SMIM14: variants seen among roughly 807,000 people sequenced by gnomAD.
SMIM14 encodes the protein chromosome 4 open reading frame 34.
In SMIM14, 5 loss-of-function variants were observed where a neutral mutation model predicts 12.6. The ratio of observed to expected loss-of-function variants is 0.40; its 90% CI spans 0.21 to 0.83. The LOEUF is 0.83. Ranked by LOEUF, SMIM14 falls within the 40% of genes least tolerant of loss-of-function variation. SMIM14 has a pLI of 0.37. For synonymous variants in SMIM14, 30 were observed against 40.1 expected, an observed-to-expected ratio of 0.75 and a Z score of 0.95; for missense variants, 86 against 119.1, an observed-to-expected ratio of 0.72 and a Z score of 1.29.
chr4:39,601,665 G>A (rs1361186759), intron 2 of SMIM14, among the ~76,000 whole-genome samples: 1 of 152,214 alleles, frequency 6.6e-6, no homozygotes, highest in Admixed American at 6.5e-5. Flanking sequence ...TAATGGATGA[G>A]GTGGGGTGCA....
chr4:39,551,330 A>G lies in SMIM14; in HGVS notation c.*796T>C, dbSNP rs1471804734. The G allele has an allele frequency of 6.6e-6, 1 of 152,648 alleles. No homozygotes were observed. Among genetic ancestry groups the G allele is most frequent in the African/African-American group, 2.4e-5 (1 of 41,462 alleles). 9.5% of individuals were successfully genotyped at this position (152,648 alleles called of 1,614,324 possible). On this transcript the variant is annotated 3_prime_UTR_variant, in exon 5 of 5. Coordinates refer to ENST00000295958, the MANE Select transcript of SMIM14 (RefSeq NM_174921.3). ...ATGTGGATTATATCAGCAAAGGCAG[A>G]AAGAATTAATGTTTTCCTCCTTTCA...
At chr4:39,556,752 A>G (rs933315157) in intron 3 of SMIM14, among the ~76,000 whole-genome samples, 182 bp from the exon 4 acceptor site, 1 of 152,232 alleles carries the variant, frequency 6.6e-6, no homozygotes, top group South Asian at 2.1e-4. Context: ...AAAGTAAATG[A>G]TGTTAAATAG....
At chr4:39,594,181 T>C (rs1714250229) in intron 2 of SMIM14, 2 of 152,240 alleles carry the variant, frequency 1.3e-5, no homozygotes, top group Middle Eastern at 3.4e-3. Context: ...ACCAAGACAG[T>C]ATGGTACTGG....
intron 4 of SMIM14, among the ~76,000 whole-genome samples, chr4:39,552,614 G>A (rs1445938943): frequency 2.0e-5 from 3 of 152,330 alleles, no homozygotes; most frequent in South Asian, 2.1e-4. Context: ...GCATGTGGCT[G>A]CAGTTGCTTC....
intron 1 of SMIM14, among the ~76,000 whole-genome samples, chr4:39,614,322 C>T (rs1715142718): frequency 6.6e-6 from 1 of 151,154 alleles, no homozygotes; most frequent in Admixed American, 6.6e-5. Flanking sequence ...AGTTCCTATG[C>T]TACTTTTTTT....
intron 3 of SMIM14, among the ~76,000 whole-genome samples, chr4:39,570,271 G>A (rs1322764563): frequency 6.6e-6 from 1 of 151,538 alleles, no homozygotes; most frequent in African/African-American, 2.4e-5. Flanking sequence ...AGTGATTCTG[G>A]TGCCTCAGCC....
chr4:39,589,246 C>G (rs1348942210), intron 2 of SMIM14, among the ~76,000 whole-genome samples: 1 of 152,150 alleles, frequency 6.6e-6, no homozygotes, highest in East Asian at 1.9e-4. Context: ...ATCACCACAT[C>G]TGGCTAATTT....
Position 39,551,501 on chromosome 4 carries a change from T to C in SMIM14, c.*625A>G, listed in dbSNP as rs1466836848. Reference sequence around the variant, plus strand: ...GGAGTATAAAATTAGTAAACAACCATTTCATTTTTTCTCTCTTCCTATTCT... The same window carrying C: ...GGAGTATAAAATTAGTAAACAACCACTTCATTTTTTCTCTCTTCCTATTCT... On this transcript the variant is annotated 3_prime_UTR_variant, in exon 5 of 5. Transcript: ENST00000295958. The C allele has an allele frequency of 6.6e-6, 1 of 152,548 alleles. No homozygotes were observed. Among genetic ancestry groups the C allele is most frequent in the Admixed American group, 6.6e-5 (1 of 15,258 alleles). 9.4% of individuals were successfully genotyped at this position (152,548 alleles called of 1,614,324 possible).
At chr4:39,636,100 G>A (rs555720908) in intron 1 of SMIM14, among the ~76,000 whole-genome samples, 121 of 149,406 alleles carry the variant, frequency 8.1e-4, no homozygotes, top group African/African-American at 3.0e-3. Flanking sequence ...TTGAACCCGG[G>A]AGGCAGAGGT....
chr4:39,615,913 A>G (rs1422260360), intron 1 of SMIM14, among the ~76,000 whole-genome samples: 1 of 152,172 alleles, frequency 6.6e-6, no homozygotes, highest in East Asian at 1.9e-4. Context: ...TGAATTGTGG[A>G]TTACTGAAAA....
intron 1 of SMIM14, among the ~76,000 whole-genome samples, chr4:39,618,677 A>C (rs180806353): frequency 0.011 from 1,602 of 151,128 alleles, 22 homozygotes; most frequent in African/African-American, 0.037. Flanking sequence ...AAAAAAAAAA[A>C]CCAAAGCCCA....
intron 2 of SMIM14, among the ~76,000 whole-genome samples, chr4:39,597,508 A>C (rs1714420224): frequency 7.2e-6 from 1 of 138,056 alleles, no homozygotes; most frequent in Non-Finnish European, 1.5e-5. Context: ...CAGTGGCACC[A>C]TCTAAGCTCA....
intron 1 of SMIM14, among the ~76,000 whole-genome samples, chr4:39,610,354 T>C (rs1319482833): frequency 1.3e-5 from 2 of 152,124 alleles, no homozygotes; most frequent in African/African-American, 4.8e-5. Context: ...TAGAACACAG[T>C]ATCCACAAAT....
chr4:39,629,159 G>A (rs1050399629), intron 1 of SMIM14, among the ~76,000 whole-genome samples: 7 of 151,250 alleles, frequency 4.6e-5, no homozygotes, highest in African/African-American at 9.7e-5. Context: ...TCAGGAGTTC[G>A]AGACCAGCCC....
At chr4:39,622,203 C>G (rs1274279539) in intron 1 of SMIM14, among the ~76,000 whole-genome samples, 2 of 151,056 alleles carry the variant, frequency 1.3e-5, no homozygotes, top group Non-Finnish European at 2.9e-5. Context: ...CCTGCCTCAG[C>G]CTCCCGAGTA....
chr4:39,579,985 T>C (rs1713416091), intron 2 of SMIM14, among the ~76,000 whole-genome samples: 1 of 151,882 alleles, frequency 6.6e-6, no homozygotes, highest in Admixed American at 6.6e-5. Context: ...CGAAAAAAAA[T>C]TACAAAGAAC....
Position 39,549,934 on chromosome 4 carries a change from A to G in SMIM14, c.*2192T>C, listed in dbSNP as rs2109972712. On this transcript the variant is annotated 3_prime_UTR_variant, in exon 5 of 5. Coordinates refer to ENST00000295958, the MANE Select transcript of SMIM14 (RefSeq NM_174921.3). ...AGAGTTGGTTATATTATTTCAAGAA[A>G]TTGAGCACAAAGCCAGGATGTACAA... 1 of 152,096 alleles carries G rather than the reference A, an allele frequency of 6.6e-6. No homozygotes were observed. Among genetic ancestry groups the G allele is most frequent in the East Asian group, 1.9e-4 (1 of 5,142 alleles). The allele number at this position is 152,096 out of a possible 1,614,324, so 9.4% of individuals were successfully genotyped here. A position where few individuals can be genotyped will look rare whatever the true frequency, so the allele number is the denominator to read the frequency against.
At chr4:39,620,528 G>T (rs191644448) in intron 1 of SMIM14, among the ~76,000 whole-genome samples, 21 of 152,156 alleles carry the variant, frequency 1.4e-4, no homozygotes, top group Middle Eastern at 3.4e-3. Context: ...AGAGACAGAG[G>T]TCTTGCTATG....
intron 1 of SMIM14, among the ~76,000 whole-genome samples, chr4:39,634,076 G>T (rs749709103): frequency 6.6e-6 from 1 of 152,124 alleles, no homozygotes; most frequent in African/African-American, 2.4e-5. Context: ...TTACAGGCGC[G>T]CATGACCACA....
Sources: gnomAD v4.1 joint callset for allele counts (sites outside exome capture counted in the v4.1 genomes callset) on GRCh38, gnomAD v4.1.1 for gene constraint, MANE v1.5 for transcripts, NCBI Gene and HGNC (gene_info 2026-07-23, HGNC 2026-07-21) for gene names.